Variants in LAMA2 observed in about 807,000 individuals in gnomAD.
LAMA2 encodes laminin subunit alpha 2.
A neutral mutation model predicts 364.8 loss-of-function variants in LAMA2; 269 were observed. The observed-to-expected ratio is 0.74, with a 90% confidence interval of 0.67 to 0.82. The LOEUF is 0.82. Ranked by LOEUF, LAMA2 falls within the 40% of genes least tolerant of loss-of-function variation. The pLI, the probability that LAMA2 is intolerant of heterozygous loss-of-function variation, is 0.00. For missense variants in LAMA2, 3,807 were observed against 3,873.2 expected (o/e 0.98, Z 0.45); for synonymous variants, 1,379 against 1,370.6 (o/e 1.01, Z -0.14).
At chr6:129,440,328 T>A (rs775867701) in intron 42 of LAMA2, among the ~76,000 whole-genome samples, 2 of 152,066 alleles carry the variant, frequency 1.3e-5, no homozygotes, top group African/African-American at 4.8e-5. Context: ...TTTTCAGTAG[T>A]AAGTATATAG....
At chr6:129,411,411 C>G (rs1780532471) in intron 40 of LAMA2, among the ~76,000 whole-genome samples, 1 of 152,080 alleles carries the variant, frequency 6.6e-6, no homozygotes, top group South Asian at 2.1e-4. Flanking sequence ...TAGTAAAGAA[C>G]TGTGCTGTGT....
chr6:129,132,718 A>ATT (rs201200054), intron 4 of LAMA2, among the ~76,000 whole-genome samples: 3 of 151,778 alleles, frequency 2.0e-5, no homozygotes, highest in African/African-American at 7.3e-5. Context: ...TGTCATTTAC[A>ATT]TTTTTTTTAA....
intron 29 of LAMA2, among the ~76,000 whole-genome samples, chr6:129,338,069 A>T (rs1204510196): frequency 6.6e-6 from 1 of 152,166 alleles, no homozygotes; most frequent in Non-Finnish European, 1.5e-5. Context: ...CTGTCCAGAG[A>T]ATATTACAAT....
intron 53 of LAMA2, 71 bp downstream of exon 53, chr6:129,475,472 A>G: frequency 3.5e-6 from 4 of 1,157,664 alleles, no homozygotes; most frequent in Non-Finnish European, 5.1e-6. Flanking sequence ...TAGATAAAGC[A>G]GCCGTGCAGA....
At chr6:128,956,500 G>T (rs1287285624) in intron 1 of LAMA2, among the ~76,000 whole-genome samples, 1 of 152,012 alleles carries the variant, frequency 6.6e-6, no homozygotes, top group Non-Finnish European at 1.5e-5. Flanking sequence ...TTTTATATGT[G>T]TTGGTCTATG....
At chr6:129,506,257 G>A (rs558928279) in intron 61 of LAMA2, among the ~76,000 whole-genome samples, 3 of 152,060 alleles carry the variant, frequency 2.0e-5, no homozygotes, top group Non-Finnish European at 4.4e-5. Flanking sequence ...GGAGGCTGAG[G>A]CAAGAGAATC....
chr6:129,044,189 T>TAC (rs1554204621), intron 1 of LAMA2, among the ~76,000 whole-genome samples: 66 of 151,112 alleles, frequency 4.4e-4, no homozygotes, highest in Middle Eastern at 3.4e-3. Context: ...TATATATATA[T>TAC]ACACACACAT....
chr6:129,305,881 A>T (rs1773836853), intron 22 of LAMA2, among the ~76,000 whole-genome samples: 1 of 148,924 alleles, frequency 6.7e-6, no homozygotes, highest in African/African-American at 2.5e-5. Context: ...TCTTCTCTTG[A>T]CTTTTGGATT....
chr6:129,400,304 G>C (rs566883264), intron 37 of LAMA2, among the ~76,000 whole-genome samples: 1 of 152,276 alleles, frequency 6.6e-6, no homozygotes, highest in South Asian at 2.1e-4. Flanking sequence ...ATTTTCAGGG[G>C]ACACAGACAT....
At chr6:128,967,069 A>G (rs746982718) in intron 1 of LAMA2, among the ~76,000 whole-genome samples, 1 of 152,186 alleles carries the variant, frequency 6.6e-6, no homozygotes, top group African/African-American at 2.4e-5. Context: ...CATGACTACT[A>G]TGAATACAGA....
At chr6:129,366,732 C>A (rs1777800685) in intron 33 of LAMA2, among the ~76,000 whole-genome samples, 1 of 152,088 alleles carries the variant, frequency 6.6e-6, no homozygotes, top group African/African-American at 2.4e-5. Flanking sequence ...TATAAAGTAA[C>A]ATGATTTTGG....
intron 29 of LAMA2, among the ~76,000 whole-genome samples, chr6:129,334,109 T>G (rs542302300): frequency 6.6e-6 from 1 of 152,354 alleles, no homozygotes; most frequent in South Asian, 2.1e-4. Context: ...AAGAAATAGC[T>G]GTTATTACTC....
Position 128,995,384 on chromosome 6 carries a change from C to T in LAMA2, c.113-54534C>T, listed in dbSNP as rs375268655. The stretch of plus-strand genomic sequence containing the variant: ...TAACCCAGGCTGGAGTGCAGTGGCA[C>T]GATCTCGGCTCACTGCAACCTCCAC... On this transcript the variant is annotated intron_variant, in intron 1 of 64. Coordinates refer to ENST00000421865, the MANE Select transcript of LAMA2 (RefSeq NM_000426.4). Among the ~76,000 whole-genome samples the T allele has an allele frequency of 5.9e-5, 9 of 152,180 alleles. No individual in the cohort carries two copies. In the East Asian group the frequency reaches 7.7e-4, roughly 13 times the overall value.
At chr6:129,295,405 C>A (rs1035688563) in intron 20 of LAMA2, among the ~76,000 whole-genome samples, 8 of 152,088 alleles carry the variant, frequency 5.3e-5, no homozygotes, top group African/African-American at 1.9e-4. Flanking sequence ...GCCACTCTCT[C>A]CCATATTTAT....
chr6:129,488,867 A>C (rs1484603971), intron 56 of LAMA2, among the ~76,000 whole-genome samples: 2 of 152,230 alleles, frequency 1.3e-5, no homozygotes, highest in African/African-American at 2.4e-5. Flanking sequence ...ATTCTATGGC[A>C]TGATTTGTGT....
chr6:129,034,303 G>C (rs141179901), intron 1 of LAMA2, among the ~76,000 whole-genome samples: 1 of 152,148 alleles, frequency 6.6e-6, no homozygotes, highest in East Asian at 1.9e-4. Context: ...GAAGTGATTG[G>C]TTACAGGTAT....
chr6:129,505,247 G>T lies in LAMA2; in HGVS notation c.8595G>T (p.Gly2865=). ...AAGAAGGAATTCTTTATGTAGATGG[G>T]GCTTCCAACAGAACCATCAGTCCCA... ...SKQEGILYVD[G]ASNRTISPKK... is the part of the protein sequence containing the mutation. Residue 2865 remains glycine (G), a synonymous_variant, in exon 61 of 65, where the codon GGG becomes GGT. Transcript: ENST00000421865. The T allele has an allele frequency of 6.2e-7, 1 of 1,613,668 alleles. No individual in the cohort carries two copies. The highest frequency in any genetic ancestry group is 1.7e-5 in the Admixed American group (1 of 60,010).
At chr6:129,347,938 A>G (rs938385789) in intron 30 of LAMA2, among the ~76,000 whole-genome samples, 13 of 152,256 alleles carry the variant, frequency 8.5e-5, no homozygotes, top group Admixed American at 5.9e-4. Context: ...TTATTTTACT[A>G]TAACGAAATG....
rs398123377 is a variant in LAMA2, at chr6:129,402,466, ACTCATCT to A, written c.5706_5712del (p.Asp1902GlufsTer60). 7 of 1,613,856 alleles carry A rather than the reference ACTCATCT, an allele frequency of 4.3e-6. No individual in the cohort carries two copies. Among genetic ancestry groups the A allele is most frequent in the Non-Finnish European group, 5.9e-6 (7 of 1,179,994 alleles). Reference sequence around the variant, plus strand: ...GAGAGCCACGCAGCTCAGTTGAATGACTCATCTGCTGTCCTTGATGGGTATGTCATTT... The same window carrying A: ...GAGAGCCACGCAGCTCAGTTGAATGAGCTGTCCTTGATGGGTATGTCATTT... On this transcript the variant is annotated frameshift_variant, in exon 39 of 65. Transcript: ENST00000421865. LOFTEE classifies it high-confidence loss of function.
Sources: gnomAD v4.1 joint callset for allele counts (sites outside exome capture counted in the v4.1 genomes callset) on GRCh38, gnomAD v4.1.1 for gene constraint, MANE v1.5 for transcripts, NCBI Gene and HGNC (gene_info 2026-07-23, HGNC 2026-07-21) for gene names.